ANO3: variants seen among roughly 807,000 people sequenced by gnomAD.
ANO3 encodes the protein anoctamin-3.
Under a neutral mutation model 144.8 loss-of-function variants are expected in ANO3, and 99 were observed. The observed-to-expected ratio is 0.68, with a 90% CI of 0.58 to 0.81. The LOEUF (loss-of-function observed/expected upper bound fraction) is 0.81. ANO3 is among the 30% of genes least tolerant of loss of function. ANO3 has a pLI of 0.00. For synonymous variants in ANO3, 414 were observed against 392.6 expected, an observed-to-expected ratio of 1.05 and a Z score of -0.64; for missense variants, 905 against 1,202.2, an observed-to-expected ratio of 0.75 and a Z score of 3.66.
chr11:26,411,860 T>C (rs1857441875), intron 1 of ANO3, among the ~76,000 whole-genome samples: 1 of 151,936 alleles, frequency 6.6e-6, no homozygotes, highest in African/African-American at 2.4e-5. Flanking sequence ...CTTATCTTCC[T>C]CCCCCACAGA....
At chr11:26,588,525 T>C (rs1851353458) in intron 14 of ANO3, among the ~76,000 whole-genome samples, 1 of 152,236 alleles carries the variant, frequency 6.6e-6, no homozygotes, top group Non-Finnish European at 1.5e-5. Flanking sequence ...GTAATGCTAT[T>C]ACCTTCAAGC....
At chr11:26,443,648 ATTAAG>A (rs1858606282) in intron 2 of ANO3, 112 bp from the exon 3 acceptor site, 4 of 524,806 alleles carry the variant, frequency 7.6e-6, no homozygotes, top group Non-Finnish European at 1.3e-5. Flanking sequence ...ATTTTAATTC[ATTAAG>A]TTAAGAAATT....
chr11:26,295,076 T>C (rs1338393772), intron 1 of ANO3, among the ~76,000 whole-genome samples: 1 of 151,786 alleles, frequency 6.6e-6, no homozygotes, highest in Admixed American at 6.6e-5. Context: ...TTTGTTGTTG[T>C]TGTTGTTGTT....
At chr11:26,602,460 C>T (rs982130350) in intron 17 of ANO3, among the ~76,000 whole-genome samples, 14 of 152,090 alleles carry the variant, frequency 9.2e-5, no homozygotes, top group Non-Finnish European at 1.9e-4. Context: ...GGCATGGTGG[C>T]TCATGCCTGC....
At chr11:26,352,015 A>G (rs1391572358) in intron 1 of ANO3, among the ~76,000 whole-genome samples, 2 of 152,162 alleles carry the variant, frequency 1.3e-5, no homozygotes, top group Non-Finnish European at 2.9e-5. Flanking sequence ...ATCCAGCTGG[A>G]GTTGGGATTT....
intron 1 of ANO3, among the ~76,000 whole-genome samples, chr11:26,282,232 AAAGAAAAGCATATATCT>A (rs1220063246): frequency 6.6e-6 from 1 of 152,208 alleles, no homozygotes; most frequent in Non-Finnish European, 1.5e-5. Flanking sequence ...ATCAGCTACC[AAAGAAAAGCATATATCT>A]AAAGTCCAGA....
chr11:26,534,413 G>C (rs750423559), intron 8 of ANO3, 43 bp from the exon 9 acceptor site: 1 of 1,298,810 alleles, frequency 7.7e-7, no homozygotes, highest in South Asian at 1.3e-5. Context: ...GCTGGATTCT[G>C]TGTTCTGCTT....
intron 1 of ANO3, among the ~76,000 whole-genome samples, chr11:26,226,977 A>T (rs1564924833): frequency 6.6e-6 from 1 of 152,054 alleles, no homozygotes. Flanking sequence ...CCACCATTCT[A>T]CTTTCTGTCT....
At chr11:26,249,312 T>C (rs771928220) in intron 1 of ANO3, among the ~76,000 whole-genome samples, 1 of 152,178 alleles carries the variant, frequency 6.6e-6, no homozygotes, top group African/African-American at 2.4e-5. Context: ...AAAAAAAGAA[T>C]GTATTATATG....
intron 4 of ANO3, among the ~76,000 whole-genome samples, chr11:26,490,503 G>A (rs1860660988): frequency 6.6e-6 from 1 of 152,198 alleles, no homozygotes; most frequent in Non-Finnish European, 1.5e-5. Context: ...GTGCTTTACT[G>A]TTCAATATTT....
At chr11:26,309,428 G>A (rs1468186547), upstream of ANO3, among the ~76,000 whole-genome samples, 1 of 152,146 alleles carries the variant, frequency 6.6e-6, no homozygotes, top group South Asian at 2.1e-4. Flanking sequence ...ACAGTGAATA[G>A]AACCTACCCA....
chr11:26,247,290 T>A (rs1852818829), intron 1 of ANO3, among the ~76,000 whole-genome samples: 1 of 152,168 alleles, frequency 6.6e-6, no homozygotes, highest in African/African-American at 2.4e-5. Context: ...AGTACTATCT[T>A]TTTTTCCAAG....
intron 1 of ANO3, among the ~76,000 whole-genome samples, chr11:26,289,357 G>A (rs976010741): frequency 1.5e-4 from 22 of 151,366 alleles, no homozygotes; most frequent in African/African-American, 5.1e-4. Flanking sequence ...GTGAACTTTG[G>A]TGATTGTGAA....
chr11:26,554,133 G>A (rs1314417645), intron 13 of ANO3, among the ~76,000 whole-genome samples: 1 of 151,936 alleles, frequency 6.6e-6, no homozygotes. Context: ...CCTGCTTTGT[G>A]TCATTATAGA....
At chr11:26,578,877 G>C (rs773414294) in intron 14 of ANO3, among the ~76,000 whole-genome samples, 2 of 152,138 alleles carry the variant, frequency 1.3e-5, no homozygotes, top group African/African-American at 4.8e-5. Context: ...AAATGAGACG[G>C]CTCTCTTCAA....
At chr11:26,621,470 T>C (rs1287724347) in intron 17 of ANO3, among the ~76,000 whole-genome samples, 1 of 152,118 alleles carries the variant, frequency 6.6e-6, no homozygotes, top group East Asian at 1.9e-4. Context: ...CCCTCCCTCA[T>C]TGCATGCACT....
chr11:26,232,133 C>G (rs1257628154), intron 1 of ANO3, among the ~76,000 whole-genome samples: 6 of 152,158 alleles, frequency 3.9e-5, no homozygotes, highest in Non-Finnish European at 8.8e-5. Context: ...TATTGAAGGT[C>G]TATGTGGTCT....
chr11:26,583,148 A>C (rs1851179537), intron 14 of ANO3, among the ~76,000 whole-genome samples: 1 of 152,228 alleles, frequency 6.6e-6, no homozygotes, highest in Non-Finnish European at 1.5e-5. Context: ...TCTGCTTCCA[A>C]GTTAAGAGTC....
At chr11:26,620,552 C>T (rs567087466) in intron 17 of ANO3, among the ~76,000 whole-genome samples, 4 of 152,096 alleles carry the variant, frequency 2.6e-5, no homozygotes. Flanking sequence ...AGAATGAACT[C>T]CTTTTGGGTT....
Sources: allele counts gnomAD v4.1 joint callset (sites outside exome capture counted in the v4.1 genomes callset), GRCh38; gene constraint gnomAD v4.1.1; transcripts MANE v1.5; gene names NCBI Gene and HGNC (gene_info 2026-07-23, HGNC 2026-07-21).